FKBP5: variants seen among roughly 807,000 people sequenced by gnomAD.
FKBP5 encodes peptidyl-prolyl cis-trans isomerase FKBP5.
FKBP5 carries 23 observed loss-of-function variants against 50.5 expected under a neutral mutation model. The observed-to-expected ratio is 0.46, with a 90% confidence interval of 0.33 to 0.65. The LOEUF (loss-of-function observed/expected upper bound fraction) is 0.65, where lower values mean the gene tolerates loss of function less well. Ranked by LOEUF, FKBP5 falls within the 30% of genes least tolerant of loss-of-function variation. The probability of loss-of-function intolerance (pLI) is 0.02; values close to 1 mark genes in which losing one functional copy is unlikely to be tolerated. For missense variants in FKBP5, 411 were observed against 553.1 expected (o/e 0.74, Z 2.58); for synonymous variants, 176 against 190.6 (o/e 0.92, Z 0.63).
chr6:35,719,725 C>G (rs932056775), intron 2 of FKBP5, among the ~76,000 whole-genome samples: 2 of 152,206 alleles, frequency 1.3e-5, no homozygotes, highest in African/African-American at 4.8e-5. Context: ...TTCATGGAAA[C>G]ACAGAGACCA....
chr6:35,716,027 G>A (rs1766505325), intron 2 of FKBP5, among the ~76,000 whole-genome samples: 1 of 152,084 alleles, frequency 6.6e-6, no homozygotes, highest in African/African-American at 2.4e-5. Context: ...GTAGGGGAGG[G>A]CAGAATCTAG....
At chr6:35,586,812 A>T in intron 8 of FKBP5, 1 of 1,415,954 alleles carries the variant, frequency 7.1e-7, no homozygotes, top group Non-Finnish European at 9.2e-7. Context: ...GGAAGGTTAC[A>T]ATCTAGAGCA....
At chr6:35,650,636 G>A (rs889003237) in intron 1 of FKBP5, among the ~76,000 whole-genome samples, 11 of 151,864 alleles carry the variant, frequency 7.2e-5, no homozygotes, top group South Asian at 2.1e-4. Flanking sequence ...ACCAATGCCC[G>A]GCTAATTTTT....
chr6:35,576,809 C>T (rs538022976), intron 10 of FKBP5, among the ~76,000 whole-genome samples, 185 bp downstream of exon 10: 30 of 152,264 alleles, frequency 2.0e-4, no homozygotes, highest in African/African-American at 6.7e-4. Context: ...TCTCTCATGA[C>T]GTGTGCCTTT....
intron 7 of FKBP5, 63 bp from the exon 8 acceptor site, chr6:35,587,180 T>TA: frequency 1.4e-6 from 2 of 1,416,540 alleles, no homozygotes. Context: ...TGAGGCCTAT[T>TA]GGAACAAAGA....
chr6:35,713,559 T>C (rs899272978), intron 2 of FKBP5, among the ~76,000 whole-genome samples: 4 of 152,158 alleles, frequency 2.6e-5, no homozygotes, highest in Non-Finnish European at 5.9e-5. Context: ...CTGTGACATA[T>C]GCTCTAAGTC....
intron 1 of FKBP5, among the ~76,000 whole-genome samples, chr6:35,682,905 T>TAA (rs569511819): frequency 6.5e-5 from 8 of 122,736 alleles, no homozygotes; most frequent in African/African-American, 1.5e-4. Context: ...CAATCTCTTT[T>TAA]AAAAAAAAAA....
At chr6:35,627,299 C>CT (rs1314739953) in intron 3 of FKBP5, among the ~76,000 whole-genome samples, 3 of 152,188 alleles carry the variant, frequency 2.0e-5, no homozygotes, top group Non-Finnish European at 4.4e-5. Flanking sequence ...ATTTCAAGCC[C>CT]TTTGCCCAGT....
chr6:35,591,961 G>C (rs970206069), intron 6 of FKBP5, among the ~76,000 whole-genome samples: 1 of 152,122 alleles, frequency 6.6e-6, no homozygotes, highest in African/African-American at 2.4e-5. Context: ...ATATACATTT[G>C]TTTTCTTGGG....
chr6:35,585,748 A>C, intron 8 of FKBP5: 1 of 983,910 alleles, frequency 1.0e-6, no homozygotes, highest in Non-Finnish European at 1.2e-6. Context: ...ACACAAGCAA[A>C]GTTTTATGCA....
chr6:35,664,956 A>C (rs1189487468), intron 1 of FKBP5, among the ~76,000 whole-genome samples: 1 of 152,104 alleles, frequency 6.6e-6, no homozygotes, highest in Non-Finnish European at 1.5e-5. Context: ...TTGCAACTTC[A>C]ATATAATTTT....
In FKBP5 at chr6:35,585,974, G is replaced by A. The variant is rs1285385026; in HGVS notation, c.840+1060C>T. 4 of 984,576 alleles carry A rather than the reference G, an allele frequency of 4.1e-6. No individual in the cohort carries two copies. The African/African-American group carries it at 7.0e-5, about 17-fold the overall frequency. The allele number at this position is 984,576 out of a possible 1,614,324, so 61.0% of individuals were successfully genotyped here. On this transcript the variant is annotated intron_variant, in intron 8 of 10. Coordinates refer to ENST00000357266, the MANE Select transcript of FKBP5 (RefSeq NM_004117.4). ...CAAGGTTGTAACTTAATAATAGCAT[G>A]TCTTATAGCAGATGCCCCATAAAGA...
upstream of FKBP5, among the ~76,000 whole-genome samples, chr6:35,691,288 A>G (rs1418266709): frequency 6.6e-6 from 1 of 152,172 alleles, no homozygotes; most frequent in African/African-American, 2.4e-5. Context: ...GCTGAATCTT[A>G]GAAGATGAAG....
At chr6:35,647,222 AAAAC>A (rs1411213495) in intron 1 of FKBP5, among the ~76,000 whole-genome samples, 10 of 152,346 alleles carry the variant, frequency 6.6e-5, no homozygotes, top group Middle Eastern at 3.4e-3. Context: ...GGATTATATT[AAAAC>A]AAACAAAAAA....
At chr6:35,673,217 A>G (rs1261478156) in intron 1 of FKBP5, among the ~76,000 whole-genome samples, 1 of 152,218 alleles carries the variant, frequency 6.6e-6, no homozygotes. Flanking sequence ...GCTTGAATAC[A>G]TAACATACCA....
intron 1 of FKBP5, among the ~76,000 whole-genome samples, chr6:35,681,287 G>C (rs1765654812): frequency 6.6e-6 from 1 of 152,078 alleles, no homozygotes; most frequent in Admixed American, 6.6e-5. Context: ...CTTTGTACTA[G>C]TCTTGCAACT....
At position 35,677,222 on chromosome 6, in the gene FKBP5, T is replaced by C. The variant is rs371626871; in HGVS notation, c.-20+11582A>G. Among the ~76,000 whole-genome samples, 50 of 152,148 alleles carry C rather than the reference T, an allele frequency of 3.3e-4. No homozygotes were observed. In the South Asian group the frequency reaches 8.5e-3, roughly 26 times the overall value. On this transcript the variant is annotated intron_variant, in intron 1 of 10. Coordinates refer to ENST00000357266, the MANE Select transcript of FKBP5 (RefSeq NM_004117.4). ...CCAAGTAGCTGGGACTACAGGCGCCTGCCACCACACCCAGCTAATTTTTTG... is the reference window on the plus strand; with the variant it reads ...CCAAGTAGCTGGGACTACAGGCGCCCGCCACCACACCCAGCTAATTTTTTG...
chr6:35,714,452 CAA>C (rs371107974), intron 2 of FKBP5, among the ~76,000 whole-genome samples: 11 of 104,876 alleles, frequency 1.0e-4, no homozygotes, highest in Non-Finnish European at 1.3e-4. Context: ...AACACTGCCT[CAA>C]AAAAAAAAAA....
At chr6:35,626,424 A>G (rs560478459) in intron 3 of FKBP5, among the ~76,000 whole-genome samples, 5 of 152,322 alleles carry the variant, frequency 3.3e-5, no homozygotes, top group African/African-American at 1.2e-4. Context: ...AGTAAAGACT[A>G]TAGTGACCAC....
Sources: gnomAD v4.1 joint callset for allele counts (sites outside exome capture counted in the v4.1 genomes callset) on GRCh38, gnomAD v4.1.1 for gene constraint, MANE v1.5 for transcripts, NCBI Gene and HGNC (gene_info 2026-07-23, HGNC 2026-07-21) for gene names.